Variants in VCAN observed in about 807,000 individuals in gnomAD.
The protein encoded by VCAN is versican.
VCAN carries 44 observed loss-of-function variants against 245.5 expected under a neutral mutation model. The ratio of observed to expected loss-of-function variants is 0.18; its 90% CI spans 0.14 to 0.23. The LOEUF is 0.23. VCAN is among the 10% of genes least tolerant of loss of function. The pLI is 1.00. For synonymous variants in VCAN, 1,413 were observed against 1,437.0 expected (o/e 0.98, Z 0.38); for missense variants, 3,793 against 4,057.9 (o/e 0.93, Z 1.77).
Position 83,493,541 on chromosome 5 carries a change from T to C in VCAN, c.446-5T>C, listed in dbSNP as rs1419151253. On this transcript the variant is annotated splice_region_variant and splice_polypyrimidine_tract_variant and intron_variant, in intron 3 of 14. Transcript: ENST00000265077. The stretch of plus-strand genomic sequence containing the variant: ...GCTGGCAATTGTTTGCTGTTGTTTT[T>C]GCAGGGGTTGTGTTTCACTACAGGG... 2.5e-6 allele frequency: 4 copies of C among 1,612,940 alleles called. No homozygotes were observed. The highest frequency in any genetic ancestry group is 1.3e-5 in the African/African-American group (1 of 74,898).
chr5:83,478,366 A>T (rs1017998855), intron 1 of VCAN, among the ~76,000 whole-genome samples: 14 of 152,210 alleles, frequency 9.2e-5, no homozygotes, highest in Non-Finnish European at 1.8e-4. Flanking sequence ...TAATTTGGCA[A>T]TCACTTTTTT....
At position 83,580,477 on chromosome 5, in the gene VCAN, G is replaced by A. The variant is rs1419063625; in HGVS notation, c.*43G>A. ...ATGTGTTTTCATCATTTCAGCCAAA[G>A]TCCTAACTTCCTGTGCCTTTCCTAT... On this transcript the variant is annotated 3_prime_UTR_variant, in exon 15 of 15. Transcript: ENST00000265077. 1.2e-6 allele frequency: 2 copies of A among 1,611,620 alleles called. No individual in the cohort carries two copies. The highest frequency in any genetic ancestry group is 1.7e-6 in the Non-Finnish European group (2 of 1,178,886).
Position 83,540,226 on chromosome 5 carries a change from T to A in VCAN, c.7223T>A (p.Phe2408Tyr). The part of the protein sequence containing the change: ...STDFLARAYG[F>Y]EMAKEFVTSA... Reference sequence around the variant, plus strand: ...GATTTTCTGGCTAGAGCTTATGGTTTTGAAATGGCCAAAGAATTTGTTACA... The same window carrying A: ...GATTTTCTGGCTAGAGCTTATGGTTATGAAATGGCCAAAGAATTTGTTACA... The change falls in exon 8 of 15, where the codon TTT (phenylalanine) becomes TAT (tyrosine). Residue 2408 changes from phenylalanine to tyrosine, a missense_variant. Around this residue, in one of 5 missense-constraint regions of VCAN, gnomAD observed 3,182 missense variants for 3,250.3 expected, o/e 0.98. Transcript: ENST00000265077. 6.2e-7 allele frequency: 1 copy of A among 1,614,070 alleles called. No individual in the cohort carries two copies. The highest frequency in any genetic ancestry group is 8.5e-7 in the Non-Finnish European group (1 of 1,179,980).
chr5:83,572,326 T>C, intron 12 of VCAN, 90 bp from the exon 13 acceptor site: 1 of 1,481,560 alleles, frequency 6.7e-7, no homozygotes, highest in Non-Finnish European at 9.4e-7. Context: ...TTGTTGAGTC[T>C]ATTCCAATTA....
intron 13 of VCAN, among the ~76,000 whole-genome samples, chr5:83,577,510 A>T (rs1748527537): frequency 6.6e-6 from 1 of 152,160 alleles, no homozygotes; most frequent in African/African-American, 2.4e-5. Context: ...CAGATTCTGG[A>T]ATATGCCCAA....
chr5:83,535,064 C>G (rs1746655182), intron 7 of VCAN, among the ~76,000 whole-genome samples: 1 of 152,000 alleles, frequency 6.6e-6, no homozygotes, highest in Non-Finnish European at 1.5e-5. Context: ...AATCATTTTC[C>G]TGCACTGAGC....
Position 83,512,311 on chromosome 5 carries a change from A to C in VCAN, c.957A>C (p.Leu319=). ...CCAGGGCCCAGTGTGGAGGTGGTCT[A>C]CTTGGGGTGAGAACCCTGTATCGTT... is the stretch of plus-strand genomic sequence containing the variant. ...TVARAQCGGG[L]LGVRTLYRFE... The change falls in exon 6 of 15, where the codon CTA becomes CTC. Residue 319 remains leucine, a synonymous_variant. Coordinates refer to ENST00000265077, the MANE Select transcript of VCAN (RefSeq NM_004385.5). 2 of 1,613,706 alleles carry C rather than the reference A, an allele frequency of 1.2e-6. No homozygotes were observed. The highest frequency in any genetic ancestry group is 1.1e-5 in the South Asian group (1 of 91,048).
chr5:83,488,563 T>C (rs565805352), intron 2 of VCAN, among the ~76,000 whole-genome samples: 2 of 152,326 alleles, frequency 1.3e-5, no homozygotes, highest in South Asian at 2.1e-4. Context: ...AGAATTTACT[T>C]TGTAAGCCAA....
intron 7 of VCAN, among the ~76,000 whole-genome samples, chr5:83,524,009 A>G (rs549552278): frequency 1.3e-5 from 2 of 152,310 alleles, no homozygotes; most frequent in South Asian, 4.1e-4. Flanking sequence ...TTCAATTGAT[A>G]CTACTCTGTT....
At chr5:83,500,690 A>T (rs558248155) in intron 5 of VCAN, among the ~76,000 whole-genome samples, 3 of 152,262 alleles carry the variant, frequency 2.0e-5, no homozygotes, top group South Asian at 2.1e-4. Flanking sequence ...GCCACTAAAG[A>T]TTCCCCAGTA....
At chr5:83,545,760 T>G in intron 9 of VCAN, 110 bp downstream of exon 9, 1 of 889,440 alleles carries the variant, frequency 1.1e-6, no homozygotes. Context: ...ATATGAAGAT[T>G]AATTATATGT....
At chr5:83,525,565 T>C (rs1272843078) in intron 7 of VCAN, among the ~76,000 whole-genome samples, 1 of 152,202 alleles carries the variant, frequency 6.6e-6, no homozygotes, top group Non-Finnish European at 1.5e-5. Flanking sequence ...TGCTCTTAGT[T>C]ATAACCTTAA....
chr5:83,512,867 C>T (rs921405592), intron 6 of VCAN: 1 of 154,928 alleles, frequency 6.5e-6, no homozygotes, highest in African/African-American at 2.4e-5. Context: ...CATGGATACT[C>T]AAAATGTTCA....
Position 83,496,700 on chromosome 5 carries a change from C to T in VCAN, c.748+2769C>T, listed in dbSNP as rs1016371916. On this transcript the variant is annotated intron_variant, in intron 5 of 14. Transcript: ENST00000265077. The stretch of plus-strand genomic sequence containing the variant: ...TGGACACTGTTCTTTTCTTTCTTGG[C>T]TTGAAAGTGAGCAGGAATGGGGGTG... Among the ~76,000 whole-genome samples, 6 of 152,100 alleles carry T rather than the reference C, an allele frequency of 3.9e-5. No individual in the cohort carries two copies. In the South Asian group the frequency reaches 8.3e-4, roughly 21 times the overall value.
rs750140113 is a variant in VCAN, at chr5:83,580,078, G to C, written c.9979G>C (p.Asp3327His). The change falls in exon 14 of 15, where the codon GAT becomes CAT. Residue 3327 changes from aspartate to histidine, a missense_variant. Transcript: ENST00000265077. Reference sequence around the variant, plus strand: ...CTCCCTGATTAGATACCACTGCAAAGATGGTTTCATTCAACGTCACCTTCC... The same window carrying C: ...CTCCCTGATTAGATACCACTGCAAACATGGTTTCATTCAACGTCACCTTCC... ...INSLIRYHCK[D>H]GFIQRHLPTI... is the part of the protein sequence containing the mutation. 6.2e-7 allele frequency: 1 copy of C among 1,614,086 alleles called. No individual in the cohort carries two copies. The highest frequency in any genetic ancestry group is 1.7e-5 in the Admixed American group (1 of 59,998).
intron 7 of VCAN, among the ~76,000 whole-genome samples, chr5:83,529,343 A>G (rs1746430767): frequency 6.6e-6 from 1 of 151,156 alleles, no homozygotes; most frequent in Non-Finnish European, 1.5e-5. Context: ...TTTGAAAAAA[A>G]AAAAAAAAGC....
chr5:83,529,773 G>T (rs922634366), intron 7 of VCAN, among the ~76,000 whole-genome samples: 3 of 152,074 alleles, frequency 2.0e-5, no homozygotes, highest in Non-Finnish European at 2.9e-5. Context: ...ACTGTGACAG[G>T]CATTTCACAT....
At chr5:83,576,496 G>A (rs773143966) in intron 13 of VCAN, among the ~76,000 whole-genome samples, 5 of 151,962 alleles carry the variant, frequency 3.3e-5, no homozygotes, top group Admixed American at 1.3e-4. Context: ...AGTCATATTC[G>A]GTGTTTTTGC....
chr5:83,508,452 TG>T (rs1458167570), intron 5 of VCAN, among the ~76,000 whole-genome samples: 4 of 152,196 alleles, frequency 2.6e-5, no homozygotes, highest in Non-Finnish European at 4.4e-5. Context: ...TTATCACGTT[TG>T]GTATAGATTG....
Sources: allele counts gnomAD v4.1 joint callset (sites outside exome capture counted in the v4.1 genomes callset), GRCh38; gene constraint gnomAD v4.1.1; regional missense constraint gnomAD v4.1.1; transcripts MANE v1.5; gene names NCBI Gene and HGNC (gene_info 2026-07-23, HGNC 2026-07-21).